STPG2: variants seen among roughly 807,000 people sequenced by gnomAD.
STPG2 encodes the protein sperm-tail PG-rich repeat-containing protein 2.
In STPG2, 56 loss-of-function variants were observed where a neutral mutation model predicts 54.2. The ratio of observed to expected loss-of-function variants is 1.03; its 90% CI spans 0.83 to 1.29. STPG2 has a LOEUF of 1.29. Among genes scored for constraint, STPG2 ranks in the 50% most tolerant of loss-of-function variants. The pLI is 0.00. For missense variants in STPG2, 596 were observed against 544.9 expected, an observed-to-expected ratio of 1.09 and a Z score of -0.93; for synonymous variants, 200 against 181.8, an observed-to-expected ratio of 1.10 and a Z score of -0.81.
At chr4:97,909,767 TA>T (rs1392147275) in intron 8 of STPG2, among the ~76,000 whole-genome samples, 2 of 152,092 alleles carry the variant, frequency 1.3e-5, no homozygotes, top group African/African-American at 4.8e-5. Flanking sequence ...TAACACTTGA[TA>T]AACTAGAAAT....
chr4:97,457,717 T>C (rs1399035345), intron 4 of STPG2, among the ~76,000 whole-genome samples: 1 of 152,232 alleles, frequency 6.6e-6, no homozygotes, highest in Non-Finnish European at 1.5e-5. Context: ...AAAATCACCA[T>C]TGCTGCAAAT....
intron 8 of STPG2, among the ~76,000 whole-genome samples, chr4:97,860,601 TG>T (rs1223432873): frequency 6.6e-6 from 1 of 152,042 alleles, no homozygotes. Flanking sequence ...TGTAGAGCCA[TG>T]CTACTGATTT....
chr4:98,071,801 A>G (rs1738012780), intron 5 of STPG2, among the ~76,000 whole-genome samples: 1 of 152,200 alleles, frequency 6.6e-6, no homozygotes. Context: ...CAAACATATG[A>G]AAAAAAGCTC....
chr4:97,449,626 A>C (rs1729314643), intron 4 of STPG2, among the ~76,000 whole-genome samples: 1 of 152,204 alleles, frequency 6.6e-6, no homozygotes, highest in African/African-American at 2.4e-5. Flanking sequence ...TAGCTATATC[A>C]ATGATCCTCT....
At chr4:98,077,063 T>C (rs1219123371) in intron 5 of STPG2, among the ~76,000 whole-genome samples, 2 of 152,156 alleles carry the variant, frequency 1.3e-5, no homozygotes, top group African/African-American at 4.8e-5. Flanking sequence ...AGATCAAAAT[T>C]ATTTTCATAT....
chr4:97,582,508 C>A (rs868687682), intron 10 of STPG2, among the ~76,000 whole-genome samples: 1 of 151,998 alleles, frequency 6.6e-6, no homozygotes, highest in African/African-American at 2.4e-5. Flanking sequence ...CTTTCATCTG[C>A]TAATCATACT....
At chr4:97,991,333 T>C (rs1041308301) in intron 5 of STPG2, among the ~76,000 whole-genome samples, 1 of 149,866 alleles carries the variant, frequency 6.7e-6, no homozygotes, top group African/African-American at 2.5e-5. Flanking sequence ...CACATACACA[T>C]ATATATATGT....
At chr4:97,890,865 CA>C (rs1440140204) in intron 8 of STPG2, among the ~76,000 whole-genome samples, 1 of 151,678 alleles carries the variant, frequency 6.6e-6, no homozygotes, top group Non-Finnish European at 1.5e-5. Context: ...ATGAAATATA[CA>C]TCAGCACATG....
chr4:98,021,801 T>G (rs1736209902), intron 5 of STPG2, among the ~76,000 whole-genome samples: 1 of 151,996 alleles, frequency 6.6e-6, no homozygotes, highest in Non-Finnish European at 1.5e-5. Context: ...TGATCTTTGT[T>G]GGTTTAAAGT....
At chr4:97,442,802 C>CA (rs1383447744) in intron 4 of STPG2, among the ~76,000 whole-genome samples, 15 of 152,036 alleles carry the variant, frequency 9.9e-5, no homozygotes, top group Non-Finnish European at 1.6e-4. Flanking sequence ...TGGTAATTCT[C>CA]AAAAAATAAA....
intron 4 of STPG2, among the ~76,000 whole-genome samples, chr4:97,508,409 T>C (rs941558892): frequency 5.3e-5 from 8 of 152,092 alleles, no homozygotes; most frequent in Non-Finnish European, 1.2e-4. Flanking sequence ...CAAAATATGG[T>C]TATTCACTAT....
intron 10 of STPG2, among the ~76,000 whole-genome samples, chr4:97,649,503 T>C (rs1722006190): frequency 6.6e-6 from 1 of 152,094 alleles, no homozygotes; most frequent in African/African-American, 2.4e-5. Flanking sequence ...AGATATATTA[T>C]CAAAGTTGGA....
chr4:97,504,227 T>C (rs2148835713), intron 4 of STPG2, among the ~76,000 whole-genome samples: 1 of 148,840 alleles, frequency 6.7e-6, no homozygotes, highest in Non-Finnish European at 1.5e-5. Context: ...CAATAATTAT[T>C]ACCTGTTACC....
intron 4 of STPG2, among the ~76,000 whole-genome samples, chr4:97,550,129 T>G (rs1007587409): frequency 1.3e-5 from 2 of 152,170 alleles, no homozygotes; most frequent in African/African-American, 4.8e-5. Flanking sequence ...AAAAATACTT[T>G]TATCTTGCTT....
At chr4:97,750,844 A>G (rs1725560740) in intron 9 of STPG2, among the ~76,000 whole-genome samples, 1 of 151,826 alleles carries the variant, frequency 6.6e-6, no homozygotes, top group African/African-American at 2.4e-5. Context: ...AAAATTAAAT[A>G]AAATAACTCA....
At chr4:97,958,882 T>A (rs1243567715) in intron 7 of STPG2, among the ~76,000 whole-genome samples, 1 of 152,116 alleles carries the variant, frequency 6.6e-6, no homozygotes, top group East Asian at 1.9e-4. Context: ...ACTTAACAGA[T>A]CTTTACAGAA....
At chr4:97,732,924 T>C (rs1370439852) in intron 9 of STPG2, among the ~76,000 whole-genome samples, 3 of 152,024 alleles carry the variant, frequency 2.0e-5, no homozygotes, top group Non-Finnish European at 4.4e-5. Flanking sequence ...TATTAAAAAG[T>C]AACAAAAACC....
chr4:97,514,411 A>C (rs1020372084), intron 4 of STPG2, among the ~76,000 whole-genome samples: 2 of 152,078 alleles, frequency 1.3e-5, no homozygotes, highest in South Asian at 4.1e-4. Flanking sequence ...CCTCAAACCC[A>C]AGGAGTGATT....
At chr4:97,738,237 G>T (rs1395618036) in intron 9 of STPG2, among the ~76,000 whole-genome samples, 1 of 152,150 alleles carries the variant, frequency 6.6e-6, no homozygotes, top group South Asian at 2.1e-4. Flanking sequence ...GGAACAATGG[G>T]TACCAGCCAC....
Sources: allele counts gnomAD v4.1 joint callset (sites outside exome capture counted in the v4.1 genomes callset), GRCh38; gene constraint gnomAD v4.1.1; transcripts MANE v1.5; gene names NCBI Gene and HGNC (gene_info 2026-07-23, HGNC 2026-07-21).